Variants in PPP1R14A observed in about 807,000 individuals in gnomAD.
PPP1R14A encodes protein phosphatase 1 regulatory subunit 14A.
In PPP1R14A, 9 loss-of-function variants were observed where a neutral mutation model predicts 14.1. That is an observed-to-expected ratio of 0.64 (90% CI 0.38 to 1.11). The LOEUF (loss-of-function observed/expected upper bound fraction) is 1.11, where lower values mean the gene tolerates loss of function less well. Among genes scored for constraint, PPP1R14A ranks in the 50% most tolerant of loss-of-function variants. The pLI is 0.01. For missense variants in PPP1R14A, 208 were observed against 200.7 expected, an observed-to-expected ratio of 1.04 and a Z score of -0.22; for synonymous variants, 93 against 88.7, an observed-to-expected ratio of 1.05 and a Z score of -0.27.
At chr19:38,253,023 T>C (rs1019543328) in intron 1 of PPP1R14A, 49 bp from the exon 2 acceptor site, 1 of 1,469,056 alleles carries the variant, frequency 6.8e-7, no homozygotes, top group African/African-American at 1.4e-5. Context: ...CCTCCCTCCC[T>C]CGCCTTTGTC....
Position 38,256,144 on chromosome 19 carries a change from C to G in PPP1R14A, c.196G>C (p.Gly66Arg), listed in dbSNP as rs1968245633. 6.5e-7 allele frequency: 1 copy of G among 1,544,906 alleles called. No homozygotes were observed. The highest frequency in any genetic ancestry group is 2.4e-5 in the East Asian group (1 of 41,212). The change falls in exon 1 of 4, where the codon GGC becomes CGC. Residue 66 changes from glycine to arginine, a missense_variant. Physicochemically the swap from Gly to Arg is moderately radical, Grantham distance 125. Coordinates refer to ENST00000301242, the MANE Select transcript of PPP1R14A (RefSeq NM_033256.3). The surrounding 1 kb of genome is among the most constrained non-coding windows in gnomAD (Gnocchi z 5.7). The part of the protein sequence containing the change: ...IDGRLEELYR[G>R]MEADMPDEIN... ...CGAGCCCTCCCCGGGCTCACCATGC[C>G]GCGGTACAGCTCCTCCAGGCGCCCG...
At position 38,252,189 on chromosome 19, in the gene PPP1R14A, C is replaced by T; in HGVS notation, c.315+117G>A. ...AAGAGCTGCGGAGGGCAGGTTGGGGCCGGGGGTGGTGGGGCCGGGTGGTGT... is the reference window on the plus strand; with the variant it reads ...AAGAGCTGCGGAGGGCAGGTTGGGGTCGGGGGTGGTGGGGCCGGGTGGTGT... On this transcript the variant is annotated intron_variant, in intron 3 of 3. Transcript: ENST00000301242. The surrounding 1 kb of genome is among the most constrained non-coding windows in gnomAD (Gnocchi z 4.1). 3 of 940,474 alleles carry T rather than the reference C, an allele frequency of 3.2e-6. No individual in the cohort carries two copies. The highest frequency in any genetic ancestry group is 4.9e-6 in the Non-Finnish European group (3 of 606,198). 58.3% of individuals were successfully genotyped at this position (940,474 alleles called of 1,614,324 possible). A position where few individuals can be genotyped will look rare whatever the true frequency, so the allele number is the denominator to read the frequency against.
chr19:38,251,503 C>T, intron 3 of PPP1R14A, 57 bp from the exon 4 acceptor site: 1 of 1,487,732 alleles, frequency 6.7e-7, no homozygotes, highest in Non-Finnish European at 8.8e-7. Flanking sequence ...ACCCTCTGCC[C>T]CTGTCCAGCC....
Position 38,256,009 on chromosome 19 carries a change from G to T in PPP1R14A, c.201+130C>A. On this transcript the variant is annotated intron_variant, in intron 1 of 3. Coordinates refer to ENST00000301242, the MANE Select transcript of PPP1R14A (RefSeq NM_033256.3). The surrounding 1 kb of genome is among the most constrained non-coding windows in gnomAD (Gnocchi z 5.7). ...AGGCCAATGAGTGCCCGGCCCTGGG[G>T]CGCTCGTCCTCTTGTGCAGACCAGG... 1 of 815,042 alleles carries T rather than the reference G, an allele frequency of 1.2e-6. No homozygotes were observed. The highest frequency in any genetic ancestry group is 1.9e-6 in the Non-Finnish European group (1 of 538,206). The allele number at this position is 815,042 out of a possible 1,614,324, so 50.5% of individuals were successfully genotyped here. A position where few individuals can be genotyped will look rare whatever the true frequency, so the allele number is the denominator to read the frequency against.
At chr19:38,251,918 G>A in intron 3 of PPP1R14A, 1 of 363,702 alleles carries the variant, frequency 2.7e-6, no homozygotes, top group Non-Finnish European at 5.0e-6. Flanking sequence ...GAGGGGTTGG[G>A]CCGCTCAGCT....
At position 38,251,914 on chromosome 19, in the gene PPP1R14A, T is replaced by C. The variant is rs577500609; in HGVS notation, c.315+392A>G. ...AAAGCAGGGAAGGAAGTGGGAGGGGTTGGGCCGCTCAGCTTCAGGGCCTGG... is the reference window on the plus strand; with the variant it reads ...AAAGCAGGGAAGGAAGTGGGAGGGGCTGGGCCGCTCAGCTTCAGGGCCTGG... On this transcript the variant is annotated intron_variant, in intron 3 of 3. Coordinates refer to ENST00000301242, the MANE Select transcript of PPP1R14A (RefSeq NM_033256.3). 1.1e-3 allele frequency: 401 copies of C among 351,322 alleles called. 4 individuals carry two copies. In the South Asian group the frequency reaches 0.014, roughly 12 times the overall value. The allele number at this position is 351,322 out of a possible 1,614,324, so 21.8% of individuals were successfully genotyped here.
In PPP1R14A at chr19:38,252,019, A is replaced by G; in HGVS notation, c.315+287T>C. 1 of 517,422 alleles carries G rather than the reference A, an allele frequency of 1.9e-6. No homozygotes were observed. The allele number at this position is 517,422 out of a possible 1,614,324, so 32.1% of individuals were successfully genotyped here. A position where few individuals can be genotyped will look rare whatever the true frequency, so the allele number is the denominator to read the frequency against. On this transcript the variant is annotated intron_variant, in intron 3 of 3. Transcript: ENST00000301242. The surrounding 1 kb of genome is among the most constrained non-coding windows in gnomAD (Gnocchi z 4.1). ...GACAGGGGAGGACAGAGGGAGACTG[A>G]GCCCGAAGGCTGGTGGCCAAAGGAC... is the stretch of plus-strand genomic sequence containing the variant.
Position 38,256,327 on chromosome 19 carries a change from G to T in PPP1R14A, c.13C>A (p.Arg5=). MAAQ[R]LGKRVLSKLQ... is the part of the protein sequence containing the mutation. ...TTGCTCAGCACGCGCTTGCCCAGCC[G>T]CTGAGCTGCCATCGCGCTGCTGGAC... The change falls in exon 1 of 4, where the codon CGG becomes AGG. Residue 5 remains arginine (R), a synonymous_variant. Coordinates refer to ENST00000301242, the MANE Select transcript of PPP1R14A (RefSeq NM_033256.3). This position sits in a 1 kb window ranked among gnomAD's most constrained non-coding sequence, Gnocchi z 5.7. 6.7e-7 allele frequency: 1 copy of T among 1,499,418 alleles called. No homozygotes were observed. The allele number at this position is 1,499,418 out of a possible 1,614,324, so 92.9% of individuals were successfully genotyped here.
At chr19:38,253,799 C>A (rs1968217382) in intron 1 of PPP1R14A, among the ~76,000 whole-genome samples, 1 of 152,198 alleles carries the variant, frequency 6.6e-6, no homozygotes, top group Non-Finnish European at 1.5e-5. Context: ...AGCAAGGACA[C>A]AGGTGTGTGA....
rs893399675 is a variant in PPP1R14A at position 38,252,499 on chromosome 19, G to A, written c.283-161C>T. On this transcript the variant is annotated intron_variant, in intron 2 of 3. Transcript: ENST00000301242. This position sits in a 1 kb window ranked among gnomAD's most constrained non-coding sequence, Gnocchi z 4.1. ...CTTCAAGAGAGGAACAGAGCCCAAGGGGCATGTGGATCGACTCAGGGCAGG... is the reference window on the plus strand; with the variant it reads ...CTTCAAGAGAGGAACAGAGCCCAAGAGGCATGTGGATCGACTCAGGGCAGG... Among the ~76,000 whole-genome samples the A allele has an allele frequency of 3.3e-5, 5 of 152,144 alleles. No individual in the cohort carries two copies. The highest frequency in any genetic ancestry group is 1.2e-4 in the African/African-American group (5 of 41,430).
At position 38,251,802 on chromosome 19, in the gene PPP1R14A, T is replaced by A. The variant is rs527847164; in HGVS notation, c.316-356A>T. Reference sequence around the variant, plus strand: ...AGAAACAGAGACATGTGGAGACAGGTCCCCAGAGATAGATCCAGGGCGAAC... The same window carrying A: ...AGAAACAGAGACATGTGGAGACAGGACCCCAGAGATAGATCCAGGGCGAAC... On this transcript the variant is annotated intron_variant, in intron 3 of 3. Transcript: ENST00000301242. 7.6e-5 allele frequency: 28 copies of A among 368,458 alleles called. No homozygotes were observed. In the South Asian group the frequency reaches 1.7e-3, roughly 22 times the overall value. 22.8% of individuals were successfully genotyped at this position (368,458 alleles called of 1,614,324 possible). A position where few individuals can be genotyped will look rare whatever the true frequency, so the allele number is the denominator to read the frequency against.
rs1328851796 is a variant in PPP1R14A, at chr19:38,256,256, C to T, written c.84G>A (p.Gly28=). 1 of 1,548,136 alleles carries T rather than the reference C, an allele frequency of 6.5e-7. No homozygotes were observed. The highest frequency in any genetic ancestry group is 2.4e-5 in the East Asian group (1 of 41,806). Reference sequence around the variant, plus strand: ...CGCGCGCGTGCCGCTTCTGCAGCCCCCCGGGACTGCCCCCTGGCCCGCGGG... The same window carrying T: ...CGCGCGCGTGCCGCTTCTGCAGCCCTCCGGGACTGCCCCCTGGCCCGCGGG... ...SRARGPGGSP[G]GLQKRHARVT... is the part of the protein sequence containing the mutation. The change falls in exon 1 of 4, where the codon GGG becomes GGA. Residue 28 remains glycine (G), a synonymous_variant. Transcript: ENST00000301242. The surrounding 1 kb of genome is among the most constrained non-coding windows in gnomAD (Gnocchi z 5.7).
chr19:38,255,632 A>T (rs12611084), intron 1 of PPP1R14A, among the ~76,000 whole-genome samples: 5 of 128,368 alleles, frequency 3.9e-5, no homozygotes, highest in African/African-American at 8.6e-5. Context: ...ACCCCCCCCC[A>T]GCCCCCGCTT....
chr19:38,252,197 G>A lies in PPP1R14A; in HGVS notation c.315+109C>T. 3 of 1,051,846 alleles carry A rather than the reference G, an allele frequency of 2.9e-6. No individual in the cohort carries two copies. In the South Asian group the frequency reaches 4.1e-5, roughly 14 times the overall value. The allele number at this position is 1,051,846 out of a possible 1,614,324, so 65.2% of individuals were successfully genotyped here. ...CGGAGGGCAGGTTGGGGCCGGGGGT[G>A]GTGGGGCCGGGTGGTGTTCCCCAGA... On this transcript the variant is annotated intron_variant, in intron 3 of 3. Transcript: ENST00000301242. The surrounding 1 kb of genome is among the most constrained non-coding windows in gnomAD (Gnocchi z 4.1).
chr19:38,253,255 T>G, intron 1 of PPP1R14A: 1 of 396,348 alleles, frequency 2.5e-6, no homozygotes, highest in Admixed American at 4.1e-5. Flanking sequence ...GCCTTGGCTC[T>G]AGTTCCCACA....
chr19:38,251,378 G>A lies in PPP1R14A; in HGVS notation c.384C>T (p.Ser128=). 2.6e-6 allele frequency: 4 copies of A among 1,561,924 alleles called. No homozygotes were observed. The highest frequency in any genetic ancestry group is 2.4e-5 in the East Asian group (1 of 41,114). Residue 128 remains serine, a synonymous_variant, in exon 4 of 4, where the codon AGC becomes AGT. Transcript: ENST00000301242. ...LHRQPGLRQP[S]PSHDGSLSPL... is the part of the protein sequence containing the mutation. ...GGCTGAGGCTGCCGTCGTGGGAGGG[G>A]CTTGGCTGGCGGAGGCCGGGCTGCC...
At position 38,252,420 on chromosome 19, in the gene PPP1R14A, G is replaced by C; in HGVS notation, c.283-82C>G. 1.4e-6 allele frequency: 2 copies of C among 1,386,074 alleles called. No homozygotes were observed. Among genetic ancestry groups the C allele is most frequent in the Non-Finnish European group, 1.0e-6 (1 of 992,506 alleles). 85.9% of individuals were successfully genotyped at this position (1,386,074 alleles called of 1,614,324 possible). On this transcript the variant is annotated intron_variant, in intron 2 of 3. Transcript: ENST00000301242. The surrounding 1 kb of genome is among the most constrained non-coding windows in gnomAD (Gnocchi z 4.1). ...TCCAGCCCCTTCCCTTTCCCAAAAG[G>C]CCCCAGCAGCAAGACAAATGGAAGT...
chr19:38,255,295 G>A (rs1057147010), intron 1 of PPP1R14A, among the ~76,000 whole-genome samples: 5 of 151,940 alleles, frequency 3.3e-5, no homozygotes, highest in African/African-American at 1.2e-4. Flanking sequence ...GCCCGGCTAA[G>A]TTTTAAGATT....
chr19:38,254,600 C>T (rs559628874), intron 1 of PPP1R14A, among the ~76,000 whole-genome samples: 5 of 151,998 alleles, frequency 3.3e-5, no homozygotes, highest in Middle Eastern at 3.4e-3. Context: ...CCACTGTGCT[C>T]GGCCAATGAG....
Sources: gnomAD v4.1 joint callset for allele counts (sites outside exome capture counted in the v4.1 genomes callset) on GRCh38, gnomAD v4.1.1 for gene constraint, Gnocchi (gnomAD v3.1) non-coding constraint, MANE v1.5 for transcripts, NCBI Gene and HGNC (gene_info 2026-07-23, HGNC 2026-07-21) for gene names.